Variants in SEL1L2 observed in about 807,000 individuals in gnomAD.
SEL1L2 encodes the protein protein sel-1 homolog 2.
A neutral mutation model predicts 98.8 loss-of-function variants in SEL1L2; 89 were observed. The ratio of observed to expected loss-of-function variants is 0.90; its 90% CI spans 0.76 to 1.07. The LOEUF (loss-of-function observed/expected upper bound fraction) is 1.07, where lower values mean the gene tolerates loss of function less well. Ranked by LOEUF, SEL1L2 falls within the 50% of genes least tolerant of loss-of-function variation. The pLI is 0.00. For synonymous variants in SEL1L2, 262 were observed against 278.5 expected (o/e 0.94, Z 0.59); for missense variants, 788 against 812.0 (o/e 0.97, Z 0.36).
chr20:13,904,532 T>C (rs2047831383), intron 5 of SEL1L2, among the ~76,000 whole-genome samples: 1 of 151,812 alleles, frequency 6.6e-6, no homozygotes, highest in Non-Finnish European at 1.5e-5. Flanking sequence ...CATCTCAAAA[T>C]AAACAAACAA....
intron 2 of SEL1L2, among the ~76,000 whole-genome samples, chr20:13,935,463 G>A (rs1013162593): frequency 5.9e-5 from 9 of 152,178 alleles, no homozygotes; most frequent in Non-Finnish European, 1.3e-4. Context: ...GGGTGGAGAA[G>A]TTCTATGATT....
intron 1 of SEL1L2, among the ~76,000 whole-genome samples, chr20:13,983,045 A>AAAAAAAAAAAAAAAAAAAAAAAC (rs1431339711): frequency 1.4e-5 from 2 of 145,370 alleles, no homozygotes; most frequent in Non-Finnish European, 3.0e-5. Flanking sequence ...AAAAAAAAAA[A>AAAAAAAAAAAAAAAAAAAAAAAC]AAAGCAGCAG....
At chr20:13,863,081 C>T (rs770613093) in intron 17 of SEL1L2, among the ~76,000 whole-genome samples, 6 of 152,104 alleles carry the variant, frequency 3.9e-5, no homozygotes, top group African/African-American at 7.2e-5. Flanking sequence ...TAACTGGGAG[C>T]AAGAACTTAT....
chr20:13,960,663 G>A (rs1600933110), intron 1 of SEL1L2, among the ~76,000 whole-genome samples: 1 of 152,076 alleles, frequency 6.6e-6, no homozygotes, highest in East Asian at 1.9e-4. Flanking sequence ...AGAGTAGCTT[G>A]TTTCGTACCA....
rs375987285 is a variant in SEL1L2, at chr20:13,849,480, G to T, written c.*5C>A. The T allele has an allele frequency of 5.9e-5, 95 of 1,613,334 alleles. No homozygotes were observed. The highest frequency in any genetic ancestry group is 1.6e-4 in the Middle Eastern group (1 of 6,074). On this transcript the variant is annotated 3_prime_UTR_variant, in exon 20 of 20. Coordinates refer to ENST00000284951, the MANE Select transcript of SEL1L2 (RefSeq NM_025229.2). Reference sequence around the variant, plus strand: ...CCGTGAGCAGGTTTTCCTGTGATCCGCATCCTACCCATGGTGATTTCTAAG... The same window carrying T: ...CCGTGAGCAGGTTTTCCTGTGATCCTCATCCTACCCATGGTGATTTCTAAG...
At chr20:13,936,784 T>A (rs935426648) in intron 2 of SEL1L2, among the ~76,000 whole-genome samples, 11 of 152,200 alleles carry the variant, frequency 7.2e-5, no homozygotes, top group Admixed American at 3.3e-4. Context: ...TCTTGATACA[T>A]CTATCAGGGC....
intron 5 of SEL1L2, among the ~76,000 whole-genome samples, chr20:13,893,458 A>G (rs1330410852): frequency 6.6e-6 from 1 of 152,236 alleles, no homozygotes; most frequent in Non-Finnish European, 1.5e-5. Context: ...TCGCTTCATT[A>G]GAAAGATGTA....
intron 4 of SEL1L2, among the ~76,000 whole-genome samples, chr20:13,915,681 G>A (rs2048373750): frequency 6.6e-6 from 1 of 152,198 alleles, no homozygotes; most frequent in Non-Finnish European, 1.5e-5. Flanking sequence ...TCCAAGGGCA[G>A]TGTGGGCATA....
chr20:13,976,615 A>G (rs994752844), intron 1 of SEL1L2, among the ~76,000 whole-genome samples: 1 of 152,190 alleles, frequency 6.6e-6, no homozygotes, highest in African/African-American at 2.4e-5. Context: ...ACTGGACAAG[A>G]CATTAGACCT....
chr20:13,951,278 A>AT (rs1326321102), intron 2 of SEL1L2, among the ~76,000 whole-genome samples: 2 of 47,068 alleles, frequency 4.2e-5, no homozygotes, highest in East Asian at 1.9e-3. Context: ...CTCCGTCTCA[A>AT]AAAAAAAAAA....
intron 2 of SEL1L2, among the ~76,000 whole-genome samples, chr20:13,945,959 T>C (rs1161656909): frequency 6.6e-6 from 1 of 152,120 alleles, no homozygotes; most frequent in Non-Finnish European, 1.5e-5. Context: ...ATAAAGACCA[T>C]ATATGAAGGG....
chr20:13,930,644 GA>G (rs1189971408), intron 3 of SEL1L2, among the ~76,000 whole-genome samples: 1 of 151,878 alleles, frequency 6.6e-6, no homozygotes, highest in African/African-American at 2.4e-5. Context: ...TAAATGTGAG[GA>G]AAAAAATACG....
At chr20:13,870,939 A>AG (rs1175197515) in intron 12 of SEL1L2, among the ~76,000 whole-genome samples, 3 of 151,756 alleles carry the variant, frequency 2.0e-5, no homozygotes, top group Non-Finnish European at 4.4e-5. Context: ...AAAAAAAAAA[A>AG]AAAAAGAAAT....
chr20:13,979,779 G>A (rs1341644562), intron 1 of SEL1L2, among the ~76,000 whole-genome samples: 1 of 152,006 alleles, frequency 6.6e-6, no homozygotes, highest in Non-Finnish European at 1.5e-5. Context: ...TAGAGGAAAA[G>A]CTTCATAGTA....
chr20:13,954,815 G>A (rs1213419057), intron 2 of SEL1L2, among the ~76,000 whole-genome samples: 1 of 152,164 alleles, frequency 6.6e-6, no homozygotes, highest in African/African-American at 2.4e-5. Flanking sequence ...GAGAAAGCAA[G>A]ATGACCTGAA....
chr20:13,930,572 A>G (rs1277873272), intron 3 of SEL1L2, among the ~76,000 whole-genome samples: 2 of 152,210 alleles, frequency 1.3e-5, no homozygotes, highest in Non-Finnish European at 2.9e-5. Context: ...AAGCATGTCA[A>G]CATTTCGATG....
chr20:13,947,209 C>A (rs2050055955), intron 2 of SEL1L2, among the ~76,000 whole-genome samples: 1 of 152,118 alleles, frequency 6.6e-6, no homozygotes, highest in Non-Finnish European at 1.5e-5. Flanking sequence ...ACCCATGGAC[C>A]AATCAGCATG....
At chr20:13,958,932 A>G (rs1029858343) in intron 1 of SEL1L2, among the ~76,000 whole-genome samples, 3 of 151,428 alleles carry the variant, frequency 2.0e-5, no homozygotes, top group Non-Finnish European at 4.4e-5. Context: ...CAAAAAAAAA[A>G]AAAAAAAGTT....
intron 5 of SEL1L2, among the ~76,000 whole-genome samples, chr20:13,900,199 AC>A (rs1273756984): frequency 6.6e-6 from 1 of 152,166 alleles, no homozygotes; most frequent in Non-Finnish European, 1.5e-5. Context: ...GACCTATAAT[AC>A]CCTACAGGAG....
Sources: gnomAD v4.1 joint callset for allele counts (sites outside exome capture counted in the v4.1 genomes callset) on GRCh38, gnomAD v4.1.1 for gene constraint, MANE v1.5 for transcripts, NCBI Gene and HGNC (gene_info 2026-07-23, HGNC 2026-07-21) for gene names.